The following SYNE3 variants were observed in gnomAD, a reference collection of about 807,000 sequenced individuals.
SYNE3 encodes spectrin repeat containing nuclear envelope family member 3.
SYNE3 carries 100 observed loss-of-function variants against 111.2 expected under a neutral mutation model. That is an observed-to-expected ratio of 0.90 (90% CI 0.77 to 1.06). The LOEUF is 1.06. Ranked by LOEUF, SYNE3 falls within the 50% of genes least tolerant of loss-of-function variation. The probability of loss-of-function intolerance (pLI) is 0.00; values close to 1 mark genes in which losing one functional copy is unlikely to be tolerated. For synonymous variants in SYNE3, 547 were observed against 533.9 expected (o/e 1.02, Z -0.34); for missense variants, 1,160 against 1,240.3 (o/e 0.94, Z 0.97).
At chr14:95,511,353 T>C (rs927061589) in intron 1 of SYNE3, among the ~76,000 whole-genome samples, 6 of 152,198 alleles carry the variant, frequency 3.9e-5, no homozygotes, top group Non-Finnish European at 5.9e-5. Flanking sequence ...ATGTAAGTTC[T>C]AGAAATGTGT....
intron 1 of SYNE3, among the ~76,000 whole-genome samples, chr14:95,497,445 C>T (rs1890140121): frequency 1.1e-5 from 1 of 89,328 alleles, no homozygotes; most frequent in Admixed American, 1.1e-4. Context: ...GACAGTTTTC[C>T]CGAGGGGAGA....
At chr14:95,512,544 ACT>A (rs1890758903) in intron 1 of SYNE3, among the ~76,000 whole-genome samples, 1 of 151,458 alleles carries the variant, frequency 6.6e-6, no homozygotes, top group Non-Finnish European at 1.5e-5. Context: ...ACAGAGTGAG[ACT>A]CTGTCTCAAA....
At chr14:95,428,176 G>A (rs1022282313) in intron 17 of SYNE3, among the ~76,000 whole-genome samples, 4 of 152,146 alleles carry the variant, frequency 2.6e-5, no homozygotes, top group Non-Finnish European at 5.9e-5. Context: ...TGTTGGCAGT[G>A]GGTGAAGGAT....
chr14:95,421,237 G>T (rs890219217), intron 17 of SYNE3, among the ~76,000 whole-genome samples: 1 of 152,152 alleles, frequency 6.6e-6, no homozygotes, highest in Non-Finnish European at 1.5e-5. Context: ...GGAAGCAGGG[G>T]TTGATGAGCC....
intron 1 of SYNE3, among the ~76,000 whole-genome samples, chr14:95,515,871 G>A (rs1192522319): frequency 6.6e-6 from 1 of 152,210 alleles, no homozygotes; most frequent in Non-Finnish European, 1.5e-5. Context: ...TCAGCTGGGC[G>A]GTGTAGGACA....
At chr14:95,474,006 A>C in intron 2 of SYNE3, among the ~76,000 whole-genome samples, 1 of 71,018 alleles carries the variant, frequency 1.4e-5, no homozygotes, top group Non-Finnish European at 2.9e-5. Flanking sequence ...CTTGGGAGGT[A>C]TGACAGTGGC....
At chr14:95,452,146 A>T in intron 7 of SYNE3, 101 bp downstream of exon 7, 1 of 1,350,668 alleles carries the variant, frequency 7.4e-7, no homozygotes, top group South Asian at 1.6e-5. Flanking sequence ...ATGATTTAGA[A>T]GTTACTATGT....
At chr14:95,512,038 G>A (rs1289630147) in intron 1 of SYNE3, among the ~76,000 whole-genome samples, 1 of 152,122 alleles carries the variant, frequency 6.6e-6, no homozygotes, top group East Asian at 1.9e-4. Flanking sequence ...TAAATCATTA[G>A]GCCAGGACCT....
intron 8 of SYNE3, chr14:95,449,413 C>T: frequency 2.0e-6 from 2 of 985,292 alleles, no homozygotes; most frequent in Non-Finnish European, 2.4e-6. Context: ...ATCCGCGGCT[C>T]CATCCGGAGC....
At chr14:95,461,883 G>T (rs899436451) in intron 4 of SYNE3, among the ~76,000 whole-genome samples, 7 of 152,240 alleles carry the variant, frequency 4.6e-5, no homozygotes, top group Admixed American at 3.9e-4. Context: ...GGTATGTGGA[G>T]TGCCCACCCA....
chr14:95,488,730 G>T (rs538755164), intron 1 of SYNE3, among the ~76,000 whole-genome samples: 2 of 148,912 alleles, frequency 1.3e-5, no homozygotes, highest in Non-Finnish European at 3.0e-5. Context: ...GGAGAGGAGA[G>T]GAGAGGAGAG....
At chr14:95,515,476 A>ATCACTC (rs1890885350) in intron 1 of SYNE3, among the ~76,000 whole-genome samples, 1 of 152,016 alleles carries the variant, frequency 6.6e-6, no homozygotes, top group Non-Finnish European at 1.5e-5. Flanking sequence ...CTCTGGGCAA[A>ATCACTC]TCACTCCCCC....
At chr14:95,462,952 T>C (rs773042858) in intron 4 of SYNE3, among the ~76,000 whole-genome samples, 12 of 152,016 alleles carry the variant, frequency 7.9e-5, no homozygotes, top group Non-Finnish European at 1.8e-4. Flanking sequence ...GGTCGGGAGT[T>C]TGAGACCAGC....
At chr14:95,453,704 G>A (rs959248102) in intron 6 of SYNE3, among the ~76,000 whole-genome samples, 1 of 152,228 alleles carries the variant, frequency 6.6e-6, no homozygotes, top group Non-Finnish European at 1.5e-5. Flanking sequence ...AATTCAGCAG[G>A]AAGGGCAAGG....
chr14:95,436,413 C>T (rs996567557), intron 15 of SYNE3, among the ~76,000 whole-genome samples: 2 of 152,138 alleles, frequency 1.3e-5, no homozygotes, highest in Non-Finnish European at 2.9e-5. Context: ...GAAGTAGAGA[C>T]ACCCAACTGA....
At chr14:95,461,197 T>C (rs994756173) in intron 4 of SYNE3, among the ~76,000 whole-genome samples, 1 of 152,246 alleles carries the variant, frequency 6.6e-6, no homozygotes, top group African/African-American at 2.4e-5. Flanking sequence ...TGCGGATTTA[T>C]GCCTCTGCAA....
rs939490376 is a variant in SYNE3 at position 95,438,818 on chromosome 14, C to T, written c.2376+215G>A. 9 of 585,770 alleles carry T rather than the reference C, an allele frequency of 1.5e-5. No homozygotes were observed. The African/African-American group carries it at 1.7e-4, about 11-fold the overall frequency. 36.3% of individuals were successfully genotyped at this position (585,770 alleles called of 1,614,324 possible). On this transcript the variant is annotated intron_variant, in intron 14 of 17. Transcript: ENST00000682763. Reference sequence around the variant, plus strand: ...TACCCCTACTGCCCTGGTGGCCTGGCTCTGCAGACTCTGGGATCTCTGAGG... The same window carrying T: ...TACCCCTACTGCCCTGGTGGCCTGGTTCTGCAGACTCTGGGATCTCTGAGG...
rs563316493 is a variant in SYNE3 at position 95,438,842 on chromosome 14, G to C, written c.2376+191C>G. ...GCTCTGCAGACTCTGGGATCTCTGAGGTCCTCTGTGGAGTAGGATCAAATG... is the reference window on the plus strand; with the variant it reads ...GCTCTGCAGACTCTGGGATCTCTGACGTCCTCTGTGGAGTAGGATCAAATG... On this transcript the variant is annotated intron_variant, in intron 14 of 17. Coordinates refer to ENST00000682763, the MANE Select transcript of SYNE3 (RefSeq NM_152592.6). The C allele has an allele frequency of 1.3e-5, 9 of 710,754 alleles. No individual in the cohort carries two copies. The East Asian group carries it at 2.5e-4, about 20-fold the overall frequency. The allele number at this position is 710,754 out of a possible 1,614,324, so 44.0% of individuals were successfully genotyped here.
Position 95,484,251 on chromosome 14 carries a change from T to A in SYNE3, c.-14-8416A>T, listed in dbSNP as rs373681805. ...AGAGTGTATGCAAGGTAAAAAGAGG[T>A]CCCCAGCCGTGGTAGGGATGAAGGC... On this transcript the variant is annotated intron_variant, in intron 1 of 17. Transcript: ENST00000682763. Among the ~76,000 whole-genome samples the A allele has an allele frequency of 1.2e-3, 186 of 151,784 alleles. 2 individuals are homozygous for A. Among genetic ancestry groups the A allele is most frequent in the African/African-American group, 4.4e-3 (183 of 41,360 alleles).
Sources: gnomAD v4.1 joint callset for allele counts (sites outside exome capture counted in the v4.1 genomes callset) on GRCh38, gnomAD v4.1.1 for gene constraint, MANE v1.5 for transcripts, NCBI Gene and HGNC (gene_info 2026-07-23, HGNC 2026-07-21) for gene names.